The following LARP4 variants were observed in gnomAD, a reference collection of about 807,000 sequenced individuals.
The protein encoded by LARP4 is La ribonucleoprotein 4.
Under a neutral mutation model 92.9 loss-of-function variants are expected in LARP4, and 29 were observed. The observed-to-expected ratio is 0.31, with a 90% CI of 0.23 to 0.43. The LOEUF (loss-of-function observed/expected upper bound fraction) is 0.43, where lower values mean the gene tolerates loss of function less well. Among genes scored for constraint, LARP4 ranks in the 20% least tolerant of loss-of-function variants. The probability of loss-of-function intolerance (pLI) is 1.00; values close to 1 mark genes in which losing one functional copy is unlikely to be tolerated. For missense variants in LARP4, 732 were observed against 860.0 expected, an observed-to-expected ratio of 0.85 and a Z score of 1.86; for synonymous variants, 279 against 284.1, an observed-to-expected ratio of 0.98 and a Z score of 0.18.
At chr12:50,456,012 A>G (rs1169125492) in intron 10 of LARP4, among the ~76,000 whole-genome samples, 1 of 152,026 alleles carries the variant, frequency 6.6e-6, no homozygotes. Flanking sequence ...AGATCATACC[A>G]CTGCACTCCA....
intron 13 of LARP4, among the ~76,000 whole-genome samples, chr12:50,469,738 G>A (rs1044736151): frequency 2.0e-5 from 3 of 151,326 alleles, no homozygotes; most frequent in South Asian, 2.1e-4. Context: ...GTGAAACCCC[G>A]TCTCTACTAA....
At chr12:50,466,364 A>G (rs906936284) in intron 12 of LARP4, among the ~76,000 whole-genome samples, 2 of 152,168 alleles carry the variant, frequency 1.3e-5, no homozygotes, top group Non-Finnish European at 2.9e-5. Flanking sequence ...CTGTAGTCCC[A>G]GCACTTTGGG....
chr12:50,424,199 A>G (rs955958320), intron 1 of LARP4, among the ~76,000 whole-genome samples: 3 of 151,942 alleles, frequency 2.0e-5, no homozygotes, highest in Non-Finnish European at 4.4e-5. Flanking sequence ...TGAAAACCCA[A>G]CTCTGCCAAA....
chr12:50,456,888 A>G (rs183859473), intron 10 of LARP4, among the ~76,000 whole-genome samples: 1 of 151,172 alleles, frequency 6.6e-6, no homozygotes, highest in African/African-American at 2.4e-5. Flanking sequence ...CTATCATATC[A>G]GTTCATTTTC....
chr12:50,462,999 C>T lies in LARP4; in HGVS notation c.1383+369C>T, dbSNP rs190619006. Reference sequence around the variant, plus strand: ...AGGGCACTGGAATTACAGGCCTGAGCCACTGTGCTTGGTACAAGATTAAGG... The same window carrying T: ...AGGGCACTGGAATTACAGGCCTGAGTCACTGTGCTTGGTACAAGATTAAGG... On this transcript the variant is annotated intron_variant, in intron 12 of 15. Transcript: ENST00000398473. Among the ~76,000 whole-genome samples, 185 of 152,168 alleles carry T rather than the reference C, an allele frequency of 1.2e-3. 1 individual carries two copies. Among genetic ancestry groups the T allele is most frequent in the Admixed American group, 3.0e-3 (46 of 15,266 alleles).
chr12:50,452,225 C>CT (rs1221934748), intron 8 of LARP4, among the ~76,000 whole-genome samples: 3 of 151,842 alleles, frequency 2.0e-5, no homozygotes, highest in Non-Finnish European at 4.4e-5. Flanking sequence ...CTATTTTTAA[C>CT]TTTTTTTTGA....
chr12:50,459,786 T>C (rs1045947476), intron 10 of LARP4, among the ~76,000 whole-genome samples: 1 of 139,482 alleles, frequency 7.2e-6, no homozygotes, highest in Non-Finnish European at 1.5e-5. Context: ...ATCGCGCCAT[T>C]GCACTCCAGC....
chr12:50,446,946 GC>G (rs1314587635), intron 8 of LARP4, among the ~76,000 whole-genome samples: 1 of 152,054 alleles, frequency 6.6e-6, no homozygotes, highest in East Asian at 1.9e-4. Flanking sequence ...AGGGTTCCTG[GC>G]CTATGGCTGT....
At chr12:50,421,296 A>G (rs1947746116) in intron 1 of LARP4, 1 of 984,334 alleles carries the variant, frequency 1.0e-6, no homozygotes, top group South Asian at 4.7e-5. Context: ...AATCAGTACT[A>G]GATGCAATAA....
At chr12:50,467,872 A>G (rs1210112987) in intron 13 of LARP4, among the ~76,000 whole-genome samples, 1 of 150,224 alleles carries the variant, frequency 6.7e-6, no homozygotes, top group Non-Finnish European at 1.5e-5. Flanking sequence ...TTTTTTAATT[A>G]TAACAGTACA....
At chr12:50,462,710 T>A in intron 12 of LARP4, 80 bp downstream of exon 12, 1 of 996,116 alleles carries the variant, frequency 1.0e-6, no homozygotes, top group Non-Finnish European at 1.5e-6. Flanking sequence ...CTTTCCTTTC[T>A]GGGTTTTTGT....
At chr12:50,458,874 T>C (rs1047282008) in intron 10 of LARP4, among the ~76,000 whole-genome samples, 5 of 152,234 alleles carry the variant, frequency 3.3e-5, no homozygotes, top group African/African-American at 9.6e-5. Flanking sequence ...CCACATTGCA[T>C]ACCTTAATTC....
chr12:50,442,311 C>T (rs1164935137), intron 8 of LARP4, among the ~76,000 whole-genome samples: 1 of 152,116 alleles, frequency 6.6e-6, no homozygotes, highest in Non-Finnish European at 1.5e-5. Context: ...CACTACGTAC[C>T]ATCAATACAA....
Position 50,453,499 on chromosome 12 carries a change from G to A in LARP4, c.844G>A (p.Gly282Ser), listed in dbSNP as rs1341604657. The A allele has an allele frequency of 1.9e-6, 3 of 1,612,800 alleles. No individual in the cohort carries two copies. Among genetic ancestry groups the A allele is most frequent in the Non-Finnish European group, 8.5e-7 (1 of 1,179,082 alleles). ...KAINTFFAKN[G>S]YRLMDSSIYS... Reference sequence around the variant, plus strand: ...CATCAATACATTTTTTGCTAAGAATGGTTATCGATTAATGGATTCTAGTAT... The same window carrying A: ...CATCAATACATTTTTTGCTAAGAATAGTTATCGATTAATGGATTCTAGTAT... The change falls in exon 9 of 16, where the codon GGT becomes AGT. Residue 282 changes from glycine (G) to serine (S), a missense_variant. Transcript: ENST00000398473.
rs1221674574 is a variant in LARP4, at chr12:50,461,161, G to A, written c.1148G>A (p.Gly383Asp). 1.2e-6 allele frequency: 2 copies of A among 1,613,802 alleles called. No individual in the cohort carries two copies. Among genetic ancestry groups the A allele is most frequent in the African/African-American group, 1.3e-5 (1 of 74,876 alleles). The stretch of plus-strand genomic sequence containing the variant: ...GTGAAGCCTCAGTTTAGGTCATCTG[G>A]TGGTTCAGAACACTCAACAGAGGGC... ...NRVKPQFRSS[G>D]GSEHSTEGSV... Residue 383 changes from glycine (G) to aspartate (D), a missense_variant, in exon 11 of 16, where the codon GGT (glycine) becomes GAT (aspartate). Gly to Asp is a moderately conservative substitution (Grantham distance 94, BLOSUM62 -1). Coordinates refer to ENST00000398473, the MANE Select transcript of LARP4 (RefSeq NM_052879.5).
At chr12:50,433,549 G>C (rs1459758718) in intron 4 of LARP4, among the ~76,000 whole-genome samples, 1 of 151,832 alleles carries the variant, frequency 6.6e-6, no homozygotes, top group African/African-American at 2.4e-5. Context: ...GAATAGACCT[G>C]CTAAATTTCA....
intron 7 of LARP4, 106 bp from the exon 8 acceptor site, chr12:50,441,484 C>T (rs1951195647): frequency 1.4e-6 from 1 of 730,154 alleles, no homozygotes; most frequent in South Asian, 2.0e-5. Context: ...GAATCACCTA[C>T]ATAATTTTGT....
intron 5 of LARP4, among the ~76,000 whole-genome samples, chr12:50,436,125 G>GA (rs1950411539): frequency 1.5e-5 from 2 of 137,320 alleles, no homozygotes; most frequent in East Asian, 2.1e-4. Context: ...TGTGTGATAT[G>GA]TGTGTGTGTG....
In LARP4 at chr12:50,475,568, C is replaced by T; in HGVS notation, c.1879C>T (p.Pro627Ser). 6.2e-7 allele frequency: 1 copy of T among 1,613,710 alleles called. No individual in the cohort carries two copies. The highest frequency in any genetic ancestry group is 8.5e-7 in the Non-Finnish European group (1 of 1,179,874). The change falls in exon 16 of 16, where the codon CCT becomes TCT. Residue 627 changes from proline to serine, a missense_variant. Physicochemically the swap from Pro to Ser is moderately conservative, Grantham distance 74. Transcript: ENST00000398473. ...LSYAEVCQKP[P>S]KEPSSVLVQP... is the part of the protein sequence containing the mutation. ...TTATGCTGAAGTGTGCCAGAAGCCC[C>T]CTAAAGAGCCATCTTCAGTTCTTGT...
Sources: gnomAD v4.1 joint callset for allele counts (sites outside exome capture counted in the v4.1 genomes callset) on GRCh38, gnomAD v4.1.1 for gene constraint, MANE v1.5 for transcripts, NCBI Gene and HGNC (gene_info 2026-07-23, HGNC 2026-07-21) for gene names.